The following KIAA0825 variants were observed in gnomAD, a reference collection of about 807,000 sequenced individuals.
KIAA0825 encodes KIAA0825.
KIAA0825 carries 119 observed loss-of-function variants against 147.6 expected under a neutral mutation model. The observed-to-expected ratio is 0.81, with a 90% CI of 0.69 to 0.94. KIAA0825 has a LOEUF of 0.94. KIAA0825 is among the 40% of genes least tolerant of loss of function. The pLI is 0.00. For synonymous variants in KIAA0825, 470 were observed against 518.1 expected (o/e 0.91, Z 1.26); for missense variants, 1,381 against 1,472.7 (o/e 0.94, Z 1.02).
At chr5:94,499,388 T>G (rs1764765338) in intron 5 of KIAA0825, among the ~76,000 whole-genome samples, 1 of 152,142 alleles carries the variant, frequency 6.6e-6, no homozygotes, top group Non-Finnish European at 1.5e-5. Flanking sequence ...TACTGTTTTG[T>G]TCATCAATTC....
At chr5:94,521,042 T>A (rs767129776) in intron 4 of KIAA0825, 125 bp from the exon 5 acceptor site, 36 of 860,964 alleles carry the variant, frequency 4.2e-5, no homozygotes, top group Non-Finnish European at 6.0e-5. Context: ...AAGATTTTAT[T>A]TTTTTGCATT....
chr5:94,267,808 A>G (rs1188172794), intron 20 of KIAA0825, among the ~76,000 whole-genome samples: 1 of 151,946 alleles, frequency 6.6e-6, no homozygotes, highest in Admixed American at 6.6e-5. Context: ...TCTGTATTTC[A>G]GAATGGGAAA....
intron 5 of KIAA0825, among the ~76,000 whole-genome samples, chr5:94,497,086 T>C (rs1224957583): frequency 6.6e-6 from 1 of 152,162 alleles, no homozygotes; most frequent in Middle Eastern, 3.2e-3. Context: ...GTAAGAACTT[T>C]ATATATGTTG....
chr5:94,417,160 T>A (rs889536913), intron 15 of KIAA0825, 41 bp downstream of exon 15: 1 of 1,507,864 alleles, frequency 6.6e-7, no homozygotes, highest in Non-Finnish European at 9.0e-7. Context: ...CATATAAGTA[T>A]CTATAGAACA....
chr5:94,384,201 G>A (rs1018366108), intron 20 of KIAA0825, among the ~76,000 whole-genome samples, 167 bp downstream of exon 20: 1 of 152,050 alleles, frequency 6.6e-6, no homozygotes, highest in Non-Finnish European at 1.5e-5. Flanking sequence ...ATTTTTAAAA[G>A]ATGGGAGGCT....
intron 3 of KIAA0825, among the ~76,000 whole-genome samples, chr5:94,530,067 T>A (rs1770460255): frequency 6.6e-6 from 1 of 152,028 alleles, no homozygotes; most frequent in Admixed American, 6.6e-5. Flanking sequence ...GGTCAGGGGT[T>A]CGAGACCAGC....
chr5:94,561,266 G>C (rs758264875), intron 2 of KIAA0825, among the ~76,000 whole-genome samples: 2 of 152,224 alleles, frequency 1.3e-5, no homozygotes, highest in Non-Finnish European at 2.9e-5. Context: ...CACCCAGACA[G>C]GAAGTTCTGT....
chr5:94,498,839 G>A (rs1024459322), intron 5 of KIAA0825, among the ~76,000 whole-genome samples: 1 of 152,282 alleles, frequency 6.6e-6, no homozygotes, highest in African/African-American at 2.4e-5. Flanking sequence ...TCTACTCACA[G>A]CCAAACTCGA....
chr5:94,589,105 A>T (rs772466204), intron 1 of KIAA0825, among the ~76,000 whole-genome samples: 3 of 152,204 alleles, frequency 2.0e-5, no homozygotes, highest in Non-Finnish European at 4.4e-5. Context: ...AGGTATACCT[A>T]TGCAACAAAC....
intron 20 of KIAA0825, among the ~76,000 whole-genome samples, chr5:94,252,592 T>C (rs1311120953): frequency 6.6e-6 from 1 of 151,936 alleles, no homozygotes; most frequent in Non-Finnish European, 1.5e-5. Flanking sequence ...CATTAGTTCA[T>C]CAGCAAAAGC....
intron 12 of KIAA0825, 74 bp downstream of exon 12, chr5:94,462,313 T>G: frequency 1.3e-6 from 1 of 789,148 alleles, no homozygotes; most frequent in Non-Finnish European, 1.9e-6. Context: ...CATAATTCCA[T>G]AAGTGTTATG....
intron 5 of KIAA0825, among the ~76,000 whole-genome samples, chr5:94,490,202 G>A (rs1309128435): frequency 6.6e-6 from 1 of 151,972 alleles, no homozygotes; most frequent in African/African-American, 2.4e-5. Context: ...CCATAGTATC[G>A]CAGAACTCAG....
At chr5:94,400,751 C>T (rs931816804) in intron 16 of KIAA0825, among the ~76,000 whole-genome samples, 6 of 152,072 alleles carry the variant, frequency 3.9e-5, no homozygotes, top group African/African-American at 1.4e-4. Context: ...ATGTCAGAGC[C>T]ATCCTAACTT....
rs554045446 is a variant in KIAA0825 at position 94,488,238 on chromosome 5, C to G, written c.971-3308G>C. Among the ~76,000 whole-genome samples the G allele has an allele frequency of 2.6e-5, 4 of 152,294 alleles. No homozygotes were observed. In the East Asian group the frequency reaches 7.7e-4, roughly 29 times the overall value. On this transcript the variant is annotated intron_variant, in intron 5 of 20. Transcript: ENST00000682413. ...AATCAATCCAGGAGTTCTTCTTCCC[C>G]CACTAAGACAACCTGGCCTTTATTT...
intron 20 of KIAA0825, among the ~76,000 whole-genome samples, chr5:94,340,037 AT>A (rs757761610): frequency 2.0e-4 from 31 of 152,176 alleles, no homozygotes; most frequent in Non-Finnish European, 4.1e-4. Flanking sequence ...GAAAAATACT[AT>A]TCATATTCTC....
intron 20 of KIAA0825, among the ~76,000 whole-genome samples, chr5:94,247,228 A>C (rs554646084): frequency 3.3e-5 from 5 of 152,202 alleles, no homozygotes; most frequent in African/African-American, 2.4e-5. Flanking sequence ...GTGGTAGTTT[A>C]TGATGTTATT....
intron 18 of KIAA0825, among the ~76,000 whole-genome samples, chr5:94,387,877 G>A (rs1227993986): frequency 6.6e-6 from 1 of 152,068 alleles, no homozygotes; most frequent in Non-Finnish European, 1.5e-5. Context: ...GCTTTTTTCT[G>A]TGCCTCTATA....
chr5:94,237,749 A>G (rs1170476438), intron 20 of KIAA0825, among the ~76,000 whole-genome samples: 1 of 152,200 alleles, frequency 6.6e-6, no homozygotes, highest in Non-Finnish European at 1.5e-5. Flanking sequence ...AACAAGTAGT[A>G]TTATAATTGT....
intron 20 of KIAA0825, among the ~76,000 whole-genome samples, chr5:94,210,807 T>C (rs115524826): frequency 1.3e-5 from 2 of 152,284 alleles, no homozygotes; most frequent in Non-Finnish European, 2.9e-5. Flanking sequence ...AAAAATTAGG[T>C]CTAGGGTGTG....
Sources: gnomAD v4.1 joint callset for allele counts (sites outside exome capture counted in the v4.1 genomes callset) on GRCh38, gnomAD v4.1.1 for gene constraint, MANE v1.5 for transcripts, NCBI Gene and HGNC (gene_info 2026-07-23, HGNC 2026-07-21) for gene names.